RFTN2: variants seen among roughly 807,000 people sequenced by gnomAD.
The protein encoded by RFTN2 is raftlin family member 2.
Under a neutral mutation model 52.7 loss-of-function variants are expected in RFTN2, and 34 were observed. The observed-to-expected ratio is 0.64, with a 90% CI of 0.49 to 0.86. The LOEUF (loss-of-function observed/expected upper bound fraction) is 0.86. RFTN2 is among the 40% of genes least tolerant of loss of function. The pLI, the probability that RFTN2 is intolerant of heterozygous loss-of-function variation, is 0.00. For synonymous variants in RFTN2, 203 were observed against 217.7 expected, an observed-to-expected ratio of 0.93 and a Z score of 0.59; for missense variants, 536 against 600.1, an observed-to-expected ratio of 0.89 and a Z score of 1.12.
chr2:197,618,221 G>A (rs934951002), intron 5 of RFTN2, among the ~76,000 whole-genome samples: 24 of 151,854 alleles, frequency 1.6e-4, no homozygotes, highest in Non-Finnish European at 2.9e-4. Context: ...GAGTGCCTGC[G>A]ATTGCAGGCG....
intron 5 of RFTN2, among the ~76,000 whole-genome samples, chr2:197,620,683 T>C (rs2088248526): frequency 6.6e-6 from 1 of 152,238 alleles, no homozygotes; most frequent in Non-Finnish European, 1.5e-5. Flanking sequence ...AAGAACCCAG[T>C]AGGCTGGGCG....
At chr2:197,646,435 A>G in intron 2 of RFTN2, 48 bp downstream of exon 2, 1 of 1,488,154 alleles carries the variant, frequency 6.7e-7, no homozygotes, top group South Asian at 1.3e-5. Context: ...CTTTTAGACA[A>G]AGAGAACTGT....
intron 7 of RFTN2, among the ~76,000 whole-genome samples, chr2:197,608,937 C>T (rs1030670538): frequency 1.3e-5 from 2 of 152,138 alleles, no homozygotes; most frequent in African/African-American, 4.8e-5. Context: ...CCAGTTTCAT[C>T]TGTGTCCCTG....
At chr2:197,625,796 T>A (rs942706111) in intron 5 of RFTN2, among the ~76,000 whole-genome samples, 1 of 149,772 alleles carries the variant, frequency 6.7e-6, no homozygotes, top group African/African-American at 2.5e-5. Flanking sequence ...TCTTCTTTTT[T>A]TGAGATGGAG....
intron 1 of RFTN2, among the ~76,000 whole-genome samples, chr2:197,659,937 A>G (rs1009152701): frequency 6.6e-6 from 1 of 152,232 alleles, no homozygotes; most frequent in Non-Finnish European, 1.5e-5. Context: ...TAACAAGTGC[A>G]TATTTTGTGC....
intron 3 of RFTN2, among the ~76,000 whole-genome samples, chr2:197,641,228 C>T (rs2088668533): frequency 6.6e-6 from 1 of 152,222 alleles, no homozygotes; most frequent in Admixed American, 6.5e-5. Flanking sequence ...CAACTTAATT[C>T]ACTCAGCTCC....
chr2:197,629,702 A>ATTTATTTTAT (rs57395567), intron 5 of RFTN2, among the ~76,000 whole-genome samples: 2,179 of 141,982 alleles, frequency 0.015, 46 homozygotes, highest in African/African-American at 0.045. Flanking sequence ...ACACACACAT[A>ATTTATTTTAT]TTTATTTTAT....
At position 197,617,918 on chromosome 2, in the gene RFTN2, T is replaced by A. The variant is rs2088173362; in HGVS notation, c.932A>T (p.Glu311Val). The A allele has an allele frequency of 1.9e-6, 3 of 1,603,002 alleles. No homozygotes were observed. The South Asian group carries it at 3.3e-5, about 18-fold the overall frequency. The change falls in exon 6 of 9, where the codon GAA becomes GTA. Residue 311 changes from glutamate (E) to valine (V), a missense_variant. Transcript: ENST00000295049. ...TCCTTCCAAAGATTTAGGCAAATGT[T>A]CCCCTGTGAGGAAGAGGGTACAATT... ...SFVFWETSKG[E>V]HLPKSLEGFF...
chr2:197,590,394 CAGA>C (rs2087684249), intron 8 of RFTN2, among the ~76,000 whole-genome samples: 1 of 152,108 alleles, frequency 6.6e-6, no homozygotes, highest in Non-Finnish European at 1.5e-5. Context: ...TAGAATACTG[CAGA>C]AGATCTGTGA....
intron 7 of RFTN2, among the ~76,000 whole-genome samples, chr2:197,610,337 T>G (rs1356680783): frequency 2.6e-5 from 4 of 152,036 alleles, no homozygotes; most frequent in Admixed American, 1.3e-4. Context: ...TTCACATCCC[T>G]TGTAAGTTGG....
chr2:197,662,322 T>G (rs534802654), intron 1 of RFTN2, among the ~76,000 whole-genome samples: 1 of 152,200 alleles, frequency 6.6e-6, no homozygotes, highest in African/African-American at 2.4e-5. Context: ...GACAGATAGA[T>G]AGTGGTCTGG....
chr2:197,645,430 A>C (rs955323465), intron 2 of RFTN2, among the ~76,000 whole-genome samples: 1 of 152,136 alleles, frequency 6.6e-6, no homozygotes, highest in Non-Finnish European at 1.5e-5. Flanking sequence ...CTTAGAATGC[A>C]TCCCTGTCAT....
At chr2:197,603,472 T>TTTTAAA (rs2087911575) in intron 7 of RFTN2, among the ~76,000 whole-genome samples, 1 of 152,218 alleles carries the variant, frequency 6.6e-6, no homozygotes, top group South Asian at 2.1e-4. Context: ...GGTAGAGATT[T>TTTTAAA]TTTAAATTTA....
intron 8 of RFTN2, 73 bp from the exon 9 acceptor site, chr2:197,572,353 G>A: frequency 2.1e-6 from 3 of 1,445,174 alleles, no homozygotes; most frequent in Non-Finnish European, 2.9e-6. Context: ...TCTAGCACAT[G>A]CTGCCTTTCT....
intron 1 of RFTN2, among the ~76,000 whole-genome samples, chr2:197,661,765 A>G (rs2088980422): frequency 6.6e-6 from 1 of 152,184 alleles, no homozygotes; most frequent in Non-Finnish European, 1.5e-5. Context: ...ACGGTGTATA[A>G]GAGTTCCCTT....
At chr2:197,616,198 C>T (rs1407079372) in intron 6 of RFTN2, among the ~76,000 whole-genome samples, 1 of 151,942 alleles carries the variant, frequency 6.6e-6, no homozygotes, top group East Asian at 1.9e-4. Context: ...GAAGTTTGGG[C>T]CTTCCTTTGG....
Position 197,626,179 on chromosome 2 carries a change from C to T in RFTN2, c.928+4832G>A, listed in dbSNP as rs144491433. 3.9e-4 allele frequency among the ~76,000 whole-genome samples: 59 copies of T among 152,316 alleles called. 1 individual carries two copies. In the East Asian group the frequency reaches 0.011, roughly 28 times the overall value. ...GAATAAATATCTTGGTAAAAGCACA[C>T]ACTCCATCTAGGTGGCTCTACCACT... On this transcript the variant is annotated intron_variant, in intron 5 of 8. Coordinates refer to ENST00000295049, the MANE Select transcript of RFTN2 (RefSeq NM_144629.3).
At chr2:197,585,252 C>A (rs1477288222) in intron 8 of RFTN2, among the ~76,000 whole-genome samples, 1 of 152,180 alleles carries the variant, frequency 6.6e-6, no homozygotes, top group Non-Finnish European at 1.5e-5. Flanking sequence ...TTTATGCAAT[C>A]ACCCTCACTA....
chr2:197,635,808 T>G (rs1408413836), intron 3 of RFTN2, among the ~76,000 whole-genome samples: 18 of 142,136 alleles, frequency 1.3e-4, no homozygotes, highest in Non-Finnish European at 2.4e-4. Context: ...ATGAAGTCCT[T>G]GCCCATGCCT....
Sources: gnomAD v4.1 joint callset for allele counts (sites outside exome capture counted in the v4.1 genomes callset) on GRCh38, gnomAD v4.1.1 for gene constraint, MANE v1.5 for transcripts, NCBI Gene and HGNC (gene_info 2026-07-23, HGNC 2026-07-21) for gene names.